SLC26A4: variants seen among roughly 807,000 people sequenced by gnomAD.
SLC26A4 encodes the protein pendrin.
In SLC26A4, 93 loss-of-function variants were observed where a neutral mutation model predicts 90.4. The observed-to-expected ratio is 1.03, with a 90% CI of 0.87 to 1.22. SLC26A4 has a LOEUF of 1.22. SLC26A4 is among the 50% of genes most tolerant of loss of function. SLC26A4 has a pLI of 0.00. For missense variants in SLC26A4, 1,127 were observed against 946.2 expected (o/e 1.19, Z -2.51); for synonymous variants, 393 against 354.6 (o/e 1.11, Z -1.22).
chr7:107,711,796 C>G (rs893678629), intron 19 of SLC26A4, among the ~76,000 whole-genome samples: 2 of 152,184 alleles, frequency 1.3e-5, no homozygotes, highest in African/African-American at 2.4e-5. Context: ...TGTAGTTAGA[C>G]TTATCCTCTA....
At chr7:107,690,006 GACC>G (rs1468575289) in intron 9 of SLC26A4, 115 bp from the exon 10 acceptor site, 5 of 763,868 alleles carry the variant, frequency 6.5e-6, no homozygotes, top group Non-Finnish European at 1.2e-5. Flanking sequence ...AATTAAATTG[GACC>G]ACCACGCAGA....
intron 12 of SLC26A4, among the ~76,000 whole-genome samples, chr7:107,695,104 T>C (rs1308345115): frequency 6.6e-6 from 1 of 152,202 alleles, no homozygotes; most frequent in Non-Finnish European, 1.5e-5. Flanking sequence ...ACATAACCTT[T>C]GCAACTATTC....
intron 2 of SLC26A4, among the ~76,000 whole-genome samples, chr7:107,662,317 A>G (rs1790583439): frequency 6.6e-6 from 1 of 152,142 alleles, no homozygotes; most frequent in Admixed American, 6.5e-5. Context: ...CCCTGGGGAA[A>G]GCCACCCTCA....
In SLC26A4 at chr7:107,662,231, G is replaced by C. The variant is rs75877314; in HGVS notation, c.164+426G>C. On this transcript the variant is annotated intron_variant, in intron 2 of 20. Coordinates refer to ENST00000644269, the MANE Select transcript of SLC26A4 (RefSeq NM_000441.2). ...AGCTAAGTAGGCGGGCTACCATTCA[G>C]TTAGAGACCAGGATGCAAGCTAGAA... 594 of 187,328 alleles carry C rather than the reference G, an allele frequency of 3.2e-3. 4 individuals are homozygous for C. Among genetic ancestry groups the C allele is most frequent in the African/African-American group, 0.013 (556 of 42,070 alleles). The allele number at this position is 187,328 out of a possible 1,614,324, so 11.6% of individuals were successfully genotyped here.
intron 20 of SLC26A4, 99 bp from the exon 21 acceptor site, chr7:107,715,317 TAGCAGTA>T: frequency 1.2e-6 from 1 of 856,622 alleles, no homozygotes; most frequent in Non-Finnish European, 2.0e-6. Context: ...CTAAGATGAG[TAGCAGTA>T]AGCAATCAAT....
chr7:107,683,291 T>A lies in SLC26A4; in HGVS notation c.855T>A (p.Val285=), dbSNP rs779096628. The change falls in exon 7 of 21, where the codon GTT becomes GTA. Residue 285 remains valine (V), a synonymous_variant. Transcript: ENST00000644269. The part of the protein sequence containing the change: ...GLLTIVVCMA[V]KELNDRFRHK... ...TCACCATTGTCGTCTGTATGGCAGT[T>A]AAGGAATTAAATGATCGGTTTAGAC... 2.5e-6 allele frequency: 4 copies of A among 1,613,440 alleles called. No individual in the cohort carries two copies. In the African/African-American group the frequency reaches 5.3e-5, roughly 22 times the overall value.
chr7:107,686,375 CCCCT>C (rs1791408667), intron 8 of SLC26A4, among the ~76,000 whole-genome samples: 1 of 135,338 alleles, frequency 7.4e-6, no homozygotes, highest in Non-Finnish European at 1.6e-5. Context: ...TCCCTTTCCT[CCCCT>C]TCCTTCCTTC....
rs144971578 is a variant in SLC26A4, at chr7:107,691,481, G to A, written c.1263+1244G>A. 8.1e-3 allele frequency among the ~76,000 whole-genome samples: 1,170 copies of A among 144,464 alleles called. 7 individuals carry two copies. Among genetic ancestry groups the A allele is most frequent in the Non-Finnish European group, 0.013 (863 of 66,496 alleles). The allele number at this position is 144,464 out of a possible 152,430, so 94.8% of individuals were successfully genotyped here. ...CGTGCCACTACATTCCAGCCTGGGC[G>A]ACAAGAGCTAGACTCTGTGTCAAAT... On this transcript the variant is annotated intron_variant, in intron 10 of 20. Coordinates refer to ENST00000644269, the MANE Select transcript of SLC26A4 (RefSeq NM_000441.2).
intron 6 of SLC26A4, 79 bp from the exon 7 acceptor site, chr7:107,683,119 GAATT>G (rs1437983507): frequency 2.8e-5 from 28 of 1,008,818 alleles, no homozygotes; most frequent in Non-Finnish European, 3.6e-5. Flanking sequence ...ATTCATATGA[GAATT>G]GATTGTGTGT....
intron 13 of SLC26A4, 45 bp from the exon 14 acceptor site, chr7:107,697,997 T>TAG: frequency 8.1e-7 from 1 of 1,231,160 alleles, no homozygotes; most frequent in Non-Finnish European, 1.2e-6. Context: ...TATTCCAAAA[T>TAG]ACGGCTGTTC....
intron 8 of SLC26A4, among the ~76,000 whole-genome samples, chr7:107,687,730 T>A (rs900329145): frequency 2.2e-4 from 34 of 152,180 alleles, no homozygotes; most frequent in Non-Finnish European, 1.3e-4. Flanking sequence ...CTAAGCTGTA[T>A]GTGAAACTGG....
rs1357098929 is a variant in SLC26A4, at chr7:107,717,460, A to G, written c.*2014A>G. Reference sequence around the variant, plus strand: ...TCAATAAAGGAAATATGCACTGCTCACTTTTTTGAAGGAAATGCCAAAGTT... The same window carrying G: ...TCAATAAAGGAAATATGCACTGCTCGCTTTTTTGAAGGAAATGCCAAAGTT... On this transcript the variant is annotated 3_prime_UTR_variant, in exon 21 of 21. Coordinates refer to ENST00000644269, the MANE Select transcript of SLC26A4 (RefSeq NM_000441.2). 1 of 152,026 alleles carries G rather than the reference A, an allele frequency of 6.6e-6. No individual in the cohort carries two copies. The highest frequency in any genetic ancestry group is 1.5e-5 in the Non-Finnish European group (1 of 67,954). 9.4% of individuals were successfully genotyped at this position (152,026 alleles called of 1,614,324 possible). A position where few individuals can be genotyped will look rare whatever the true frequency, so the allele number is the denominator to read the frequency against.
In SLC26A4 at chr7:107,672,126, A is replaced by C; in HGVS notation, c.305-12A>C. The C allele has an allele frequency of 6.5e-7, 1 of 1,542,652 alleles. No homozygotes were observed. The highest frequency in any genetic ancestry group is 9.0e-7 in the Non-Finnish European group (1 of 1,114,930). ...TGGTTTGTGAATGTAATCACTTTGC[A>C]TGTGCTTTCAGGGATGGCATATGCC... On this transcript the variant is annotated splice_polypyrimidine_tract_variant and intron_variant, in intron 3 of 20. Coordinates refer to ENST00000644269, the MANE Select transcript of SLC26A4 (RefSeq NM_000441.2).
intron 8 of SLC26A4, among the ~76,000 whole-genome samples, chr7:107,687,235 GC>G (rs1483801169): frequency 6.6e-6 from 1 of 152,150 alleles, no homozygotes; most frequent in East Asian, 1.9e-4. Flanking sequence ...GGCCAAACAG[GC>G]CCACTGAGCA....
chr7:107,660,917 G>T (rs1173785734), intron 1 of SLC26A4, 62 bp downstream of exon 1: 1 of 152,290 alleles, frequency 6.6e-6, no homozygotes, highest in African/African-American at 2.4e-5. Flanking sequence ...GGGAGGCCTC[G>T]AGGGTTGCGG....
chr7:107,695,689 G>T (rs1450767418), intron 12 of SLC26A4, among the ~76,000 whole-genome samples: 1 of 151,912 alleles, frequency 6.6e-6, no homozygotes, highest in Admixed American at 6.6e-5. Flanking sequence ...TGTACTTGTG[G>T]GTAGTCCCAG....
At chr7:107,692,694 A>C (rs1791607716) in intron 10 of SLC26A4, among the ~76,000 whole-genome samples, 1 of 152,100 alleles carries the variant, frequency 6.6e-6, no homozygotes, top group African/African-American at 2.4e-5. Flanking sequence ...CCCCCATCTG[A>C]CTTCCACTGA....
At chr7:107,684,226 G>T (rs1468374844) in intron 8 of SLC26A4, among the ~76,000 whole-genome samples, 3 of 152,136 alleles carry the variant, frequency 2.0e-5, no homozygotes, top group African/African-American at 7.2e-5. Flanking sequence ...CTCATATGGG[G>T]TTACAAAGGA....
chr7:107,682,220 C>T (rs1184900900), intron 6 of SLC26A4, among the ~76,000 whole-genome samples: 1 of 149,450 alleles, frequency 6.7e-6, no homozygotes, highest in Non-Finnish European at 1.5e-5. Context: ...GGAGATATAC[C>T]TAATGTTAAA....
Sources: allele counts gnomAD v4.1 joint callset (sites outside exome capture counted in the v4.1 genomes callset), GRCh38; gene constraint gnomAD v4.1.1; transcripts MANE v1.5; gene names NCBI Gene and HGNC (gene_info 2026-07-23, HGNC 2026-07-21).